SEPTIN14: variants seen among roughly 807,000 people sequenced by gnomAD.
SEPTIN14 encodes septin 14.
A neutral mutation model predicts 53.6 loss-of-function variants in SEPTIN14; 40 were observed. The observed-to-expected ratio is 0.75, with a 90% CI of 0.58 to 0.97. The LOEUF (loss-of-function observed/expected upper bound fraction) is 0.97. SEPTIN14 is among the 50% of genes least tolerant of loss of function. The pLI, the probability that SEPTIN14 is intolerant of heterozygous loss-of-function variation, is 0.00. For synonymous variants in SEPTIN14, 138 were observed against 166.8 expected (o/e 0.83, Z 1.33); for missense variants, 471 against 508.2 (o/e 0.93, Z 0.70).
At chr7:55,847,345 G>A (rs114412444) in intron 2 of SEPTIN14, among the ~76,000 whole-genome samples, 1,682 of 152,136 alleles carry the variant, frequency 0.011, 19 homozygotes, top group African/African-American at 0.03. Context: ...CTGCTGCAGC[G>A]TATTAATATA....
chr7:55,819,347 T>TG (rs1461390810), intron 6 of SEPTIN14, 124 bp from the exon 7 acceptor site: 2 of 687,600 alleles, frequency 2.9e-6, no homozygotes, highest in Non-Finnish European at 5.0e-6. Flanking sequence ...CCCAGCACTT[T>TG]GGGAGGCCGA....
chr7:55,817,476 A>ATATTTTT (rs1554328559), intron 7 of SEPTIN14, among the ~76,000 whole-genome samples: 5 of 143,784 alleles, frequency 3.5e-5, no homozygotes, highest in African/African-American at 1.3e-4. Context: ...ATATATATAT[A>ATATTTTT]TTTTTTTTTT....
intron 9 of SEPTIN14, among the ~76,000 whole-genome samples, chr7:55,801,448 G>A (rs1472120633): frequency 6.6e-6 from 1 of 152,048 alleles, no homozygotes; most frequent in Non-Finnish European, 1.5e-5. Context: ...AAAGAAATTG[G>A]ATATCCTTGG....
At chr7:55,837,936 C>T (rs1479826481) in intron 5 of SEPTIN14, among the ~76,000 whole-genome samples, 1 of 152,166 alleles carries the variant, frequency 6.6e-6, no homozygotes, top group Non-Finnish European at 1.5e-5. Flanking sequence ...AGGTCACAGA[C>T]ACCTAGCAAG....
chr7:55,829,375 T>C (rs1789051187), intron 6 of SEPTIN14, among the ~76,000 whole-genome samples: 1 of 131,982 alleles, frequency 7.6e-6, no homozygotes, highest in African/African-American at 2.6e-5. Context: ...CAAAACTCTG[T>C]CTCAAAAAAA....
chr7:55,826,932 C>T (rs995853381), intron 6 of SEPTIN14, among the ~76,000 whole-genome samples: 1 of 152,194 alleles, frequency 6.6e-6, no homozygotes, highest in Admixed American at 6.5e-5. Context: ...TAGCATTCTG[C>T]AGTTGCCTGA....
At chr7:55,822,374 C>T (rs934446499) in intron 6 of SEPTIN14, among the ~76,000 whole-genome samples, 1 of 152,064 alleles carries the variant, frequency 6.6e-6, no homozygotes, top group African/African-American at 2.4e-5. Context: ...AAAATTTCAC[C>T]AAATTATTTT....
intron 8 of SEPTIN14, 104 bp from the exon 9 acceptor site, chr7:55,805,494 T>C (rs748380351): frequency 5.2e-5 from 39 of 746,138 alleles, no homozygotes; most frequent in Non-Finnish European, 7.8e-5. Flanking sequence ...CCACTGCACG[T>C]CAGCCTGGGA....
chr7:55,821,032 G>C (rs1290744861), intron 6 of SEPTIN14, among the ~76,000 whole-genome samples: 1 of 152,238 alleles, frequency 6.6e-6, no homozygotes, highest in African/African-American at 2.4e-5. Flanking sequence ...CAGATAAAGA[G>C]TTTCATCATC....
chr7:55,810,314 C>G (rs1343468925), intron 7 of SEPTIN14, among the ~76,000 whole-genome samples: 2 of 151,638 alleles, frequency 1.3e-5, no homozygotes, highest in Non-Finnish European at 2.9e-5. Context: ...TATTTGTTTT[C>G]TTGCTATTGA....
Position 55,842,269 on chromosome 7 carries a change from G to A in SEPTIN14, c.558+673C>T, listed in dbSNP as rs189548459. On this transcript the variant is annotated intron_variant, in intron 5 of 9. Transcript: ENST00000388975. ...GATATGTAACTACACTTGCATGCAA[G>A]TGCCTTCAAGATGTCTTATTATCTC... Among the ~76,000 whole-genome samples the A allele has an allele frequency of 2.8e-3, 424 of 152,134 alleles. 5 individuals are homozygous for A. The highest frequency in any genetic ancestry group is 0.01 in the Middle Eastern group (3 of 294).
intron 9 of SEPTIN14, among the ~76,000 whole-genome samples, chr7:55,800,052 A>G (rs1408695082): frequency 6.6e-6 from 1 of 152,174 alleles, no homozygotes; most frequent in Non-Finnish European, 1.5e-5. Flanking sequence ...TCATAATAGT[A>G]TAATATTAGA....
intron 9 of SEPTIN14, among the ~76,000 whole-genome samples, chr7:55,797,739 T>A (rs1234497587): frequency 6.6e-6 from 1 of 152,002 alleles, no homozygotes; most frequent in Non-Finnish European, 1.5e-5. Flanking sequence ...GAGGCCGAGG[T>A]GGGTGGATCA....
chr7:55,841,853 CAAAAAAA>C (rs58433679), intron 5 of SEPTIN14, among the ~76,000 whole-genome samples: 21 of 73,506 alleles, frequency 2.9e-4, no homozygotes, highest in Middle Eastern at 0.01. Flanking sequence ...GAAACTCCGC[CAAAAAAA>C]AAAAAAAAAA....
At position 55,828,414 on chromosome 7, in the gene SEPTIN14, C is replaced by T. The variant is rs552692816; in HGVS notation, c.720+6011G>A. Reference sequence around the variant, plus strand: ...CCACCTCCCGGGTTCACACCATTCTCCTGCCTCAGCCTCCTGAGTAGCTGG... The same window carrying T: ...CCACCTCCCGGGTTCACACCATTCTTCTGCCTCAGCCTCCTGAGTAGCTGG... On this transcript the variant is annotated intron_variant, in intron 6 of 9. Transcript: ENST00000388975. Among the ~76,000 whole-genome samples, 5 of 151,718 alleles carry T rather than the reference C, an allele frequency of 3.3e-5. No individual in the cohort carries two copies. In the South Asian group the frequency reaches 1.0e-3, roughly 32 times the overall value.
At chr7:55,846,458 G>A in intron 3 of SEPTIN14, 59 bp downstream of exon 3, 1 of 1,322,704 alleles carries the variant, frequency 7.6e-7, no homozygotes, top group Non-Finnish European at 1.0e-6. Context: ...CTTAAGATAA[G>A]TTGAAATGAA....
chr7:55,862,088 AG>A (rs1789759230), intron 1 of SEPTIN14, 77 bp from the exon 2 acceptor site: 1 of 846,798 alleles, frequency 1.2e-6, no homozygotes, highest in African/African-American at 1.7e-5. Flanking sequence ...TTAGATAATT[AG>A]GGGGCATAAT....
chr7:55,837,052 A>G (rs1207816778), intron 5 of SEPTIN14, among the ~76,000 whole-genome samples: 5 of 151,578 alleles, frequency 3.3e-5, no homozygotes, highest in African/African-American at 9.7e-5. Flanking sequence ...TAATATGACA[A>G]TTTCCTTTAT....
intron 3 of SEPTIN14, among the ~76,000 whole-genome samples, chr7:55,845,935 G>C (rs1377172735): frequency 6.7e-6 from 1 of 149,268 alleles, no homozygotes; most frequent in African/African-American, 2.4e-5. Flanking sequence ...TGTAGTCCCA[G>C]TTACTTGGGA....
Sources: allele counts gnomAD v4.1 joint callset (sites outside exome capture counted in the v4.1 genomes callset), GRCh38; gene constraint gnomAD v4.1.1; transcripts MANE v1.5; gene names NCBI Gene and HGNC (gene_info 2026-07-23, HGNC 2026-07-21).